Variants in CDK15 observed in about 807,000 individuals in gnomAD.
CDK15 encodes cyclin-dependent kinase 15.
A neutral mutation model predicts 60.3 loss-of-function variants in CDK15; 62 were observed. That is an observed-to-expected ratio of 1.03 (90% CI 0.84 to 1.27). The LOEUF (loss-of-function observed/expected upper bound fraction) is 1.27, where lower values mean the gene tolerates loss of function less well. Among genes scored for constraint, CDK15 ranks in the 50% most tolerant of loss-of-function variants. CDK15 has a pLI of 0.00. For synonymous variants in CDK15, 194 were observed against 195.7 expected, an observed-to-expected ratio of 0.99 and a Z score of 0.07; for missense variants, 541 against 527.8, an observed-to-expected ratio of 1.03 and a Z score of -0.25.
At chr2:201,812,615 TA>T in intron 4 of CDK15, 53 bp downstream of exon 4, 4 of 1,199,244 alleles carry the variant, frequency 3.3e-6, no homozygotes, top group South Asian at 2.5e-5. Flanking sequence ...CTTGATTTGG[TA>T]AAAAATGTAT....
At position 201,869,420 on chromosome 2, in the gene CDK15, G is replaced by C. The variant is rs566723072; in HGVS notation, c.1010-2858G>C. Among the ~76,000 whole-genome samples, 5 of 152,090 alleles carry C rather than the reference G, an allele frequency of 3.3e-5. No homozygotes were observed. The East Asian group carries it at 9.7e-4, about 29-fold the overall frequency. ...GGGAGGGATAGCATTAGGAGAAATA[G>C]CTAATGTAAATGATGAGTTAATGGG... On this transcript the variant is annotated intron_variant, in intron 10 of 13. Transcript: ENST00000652192.
intron 4 of CDK15, among the ~76,000 whole-genome samples, chr2:201,816,575 G>T (rs1205294470): frequency 6.9e-5 from 10 of 144,586 alleles, no homozygotes; most frequent in Non-Finnish European, 1.2e-4. Context: ...CTTTGCTATT[G>T]TGAATAGTGC....
intron 4 of CDK15, among the ~76,000 whole-genome samples, chr2:201,815,334 T>C (rs1313720269): frequency 2.0e-5 from 3 of 152,328 alleles, no homozygotes; most frequent in Middle Eastern, 3.4e-3. Flanking sequence ...AAACCAAATC[T>C]CTCTGATTCA....
chr2:201,866,580 A>G (rs960334529), intron 10 of CDK15, among the ~76,000 whole-genome samples: 1 of 152,148 alleles, frequency 6.6e-6, no homozygotes, highest in Non-Finnish European at 1.5e-5. Flanking sequence ...AGAACTGCAG[A>G]GGGATGAGAA....
intron 12 of CDK15, among the ~76,000 whole-genome samples, chr2:201,886,256 TCTTA>T (rs1394158449): frequency 6.6e-6 from 1 of 152,160 alleles, no homozygotes; most frequent in Non-Finnish European, 1.5e-5. Flanking sequence ...CTCAATGCCA[TCTTA>T]CTTTAGTTTA....
intron 12 of CDK15, among the ~76,000 whole-genome samples, chr2:201,887,635 C>T (rs1027759989): frequency 1.3e-4 from 19 of 151,928 alleles, no homozygotes; most frequent in Admixed American, 1.1e-3. Context: ...TCTAACTCAC[C>T]GAATGCAAGG....
chr2:201,815,150 C>T (rs150425835), intron 4 of CDK15, among the ~76,000 whole-genome samples: 1,605 of 152,240 alleles, frequency 0.011, 17 homozygotes, highest in Non-Finnish European at 0.016. Context: ...AGGGTTTCCC[C>T]ATGTTGGCCA....
intron 10 of CDK15, chr2:201,860,924 A>G: frequency 7.6e-7 from 1 of 1,320,394 alleles, no homozygotes; most frequent in South Asian, 1.2e-5. Flanking sequence ...GGGATGATAA[A>G]GAGCTATTCT....
At chr2:201,833,259 C>T (rs903894854) in intron 6 of CDK15, among the ~76,000 whole-genome samples, 2 of 151,270 alleles carry the variant, frequency 1.3e-5, no homozygotes, top group Non-Finnish European at 1.5e-5. Context: ...TTCATCTGTA[C>T]TGTGTATTTC....
intron 6 of CDK15, among the ~76,000 whole-genome samples, chr2:201,829,247 C>T (rs1015478790): frequency 9.2e-5 from 14 of 152,084 alleles, no homozygotes; most frequent in African/African-American, 3.1e-4. Flanking sequence ...TTCTACCTCT[C>T]TCCCCCTACT....
At chr2:201,867,572 C>T (rs542707226) in intron 10 of CDK15, among the ~76,000 whole-genome samples, 4 of 135,104 alleles carry the variant, frequency 3.0e-5, no homozygotes, top group African/African-American at 1.1e-4. Context: ...ATGCAGTGAG[C>T]TGTGATCATG....
intron 6 of CDK15, among the ~76,000 whole-genome samples, chr2:201,828,522 C>T (rs1696610240): frequency 7.4e-6 from 1 of 135,218 alleles, no homozygotes; most frequent in Admixed American, 8.0e-5. Flanking sequence ...TTACAAGCAT[C>T]AGGAATACAG....
chr2:201,808,813 A>G (rs1041911071), intron 3 of CDK15: 9 of 152,206 alleles, frequency 5.9e-5, no homozygotes, highest in African/African-American at 1.2e-4. Context: ...TATAACTACT[A>G]CAAGACTAAA....
intron 10 of CDK15, among the ~76,000 whole-genome samples, chr2:201,860,579 C>T (rs1026456665): frequency 1.3e-5 from 2 of 152,120 alleles, no homozygotes; most frequent in Admixed American, 1.3e-4. Context: ...GAACACTGCA[C>T]GTGGGAAGTT....
chr2:201,814,257 T>C (rs1695896792), intron 4 of CDK15, among the ~76,000 whole-genome samples: 1 of 152,226 alleles, frequency 6.6e-6, no homozygotes, highest in Non-Finnish European at 1.5e-5. Context: ...TTTCTTTCAT[T>C]GCATATTTAC....
intron 12 of CDK15, among the ~76,000 whole-genome samples, chr2:201,881,858 T>C (rs1181024818): frequency 6.6e-6 from 1 of 152,116 alleles, no homozygotes; most frequent in Non-Finnish European, 1.5e-5. Flanking sequence ...CTTATAACTC[T>C]ATTACTTCAT....
chr2:201,806,757 T>G lies in CDK15; in HGVS notation c.93T>G (p.Ser31Arg). ...EGGEAHSCRR[S>R]QPETTEAAFK... is the part of the protein sequence containing the mutation. The stretch of plus-strand genomic sequence containing the variant: ...GCGAGGCACACAGCTGTCGGAGGAG[T>G]CAGCCTGAGACCACGGAGGCTGCGT... The change falls in exon 1 of 14, where the codon AGT becomes AGG. Residue 31 changes from serine (S) to arginine (R), a missense_variant. Coordinates refer to ENST00000652192, the MANE Select transcript of CDK15 (RefSeq NM_001366386.2). 1 of 1,598,306 alleles carries G rather than the reference T, an allele frequency of 6.3e-7. No individual in the cohort carries two copies. Among genetic ancestry groups the G allele is most frequent in the Non-Finnish European group, 8.5e-7 (1 of 1,179,652 alleles).
At chr2:201,818,618 T>C (rs1050072186) in intron 4 of CDK15, among the ~76,000 whole-genome samples, 4 of 152,214 alleles carry the variant, frequency 2.6e-5, no homozygotes. Flanking sequence ...ACCAAAATGA[T>C]AAACAATACT....
intron 12 of CDK15, among the ~76,000 whole-genome samples, chr2:201,881,711 AC>A (rs1412840543): frequency 6.6e-6 from 1 of 152,096 alleles, no homozygotes; most frequent in Non-Finnish European, 1.5e-5. Context: ...AGGCAGATCC[AC>A]AGTTCTCACT....
Sources: allele counts gnomAD v4.1 joint callset (sites outside exome capture counted in the v4.1 genomes callset), GRCh38; gene constraint gnomAD v4.1.1; transcripts MANE v1.5; gene names NCBI Gene and HGNC (gene_info 2026-07-23, HGNC 2026-07-21).